DLG5: variants seen among roughly 807,000 people sequenced by gnomAD.
DLG5 encodes disks large homolog 5.
Under a neutral mutation model 189.8 loss-of-function variants are expected in DLG5, and 48 were observed. The observed-to-expected ratio is 0.25, with a 90% CI of 0.20 to 0.32. The LOEUF is 0.32. Among genes scored for constraint, DLG5 ranks in the 10% least tolerant of loss-of-function variants. The pLI is 1.00. For synonymous variants in DLG5, 1,016 were observed against 1,054.1 expected (o/e 0.96, Z 0.70); for missense variants, 2,160 against 2,544.7 (o/e 0.85, Z 3.25).
At chr10:77,811,609 C>T (rs185843469) in intron 22 of DLG5, among the ~76,000 whole-genome samples, 2 of 152,232 alleles carry the variant, frequency 1.3e-5, no homozygotes, top group East Asian at 1.9e-4. Context: ...GACAGGTGTA[C>T]AGCATCTGCT....
intron 1 of DLG5, among the ~76,000 whole-genome samples, chr10:77,901,311 T>C (rs1468179563): frequency 6.6e-6 from 1 of 152,162 alleles, no homozygotes; most frequent in Non-Finnish European, 1.5e-5. Context: ...ATAAATGATG[T>C]TCCTTCTGAC....
intron 9 of DLG5, 74 bp downstream of exon 9, chr10:77,833,840 C>G: frequency 1.3e-6 from 2 of 1,576,652 alleles, no homozygotes; most frequent in Non-Finnish European, 1.7e-6. Context: ...CTCAGCATTG[C>G]CTTGCCCAGA....
chr10:77,839,686 A>T (rs1304848796), intron 7 of DLG5, among the ~76,000 whole-genome samples: 1 of 152,234 alleles, frequency 6.6e-6, no homozygotes, highest in Non-Finnish European at 1.5e-5. Flanking sequence ...CCAAAAAATT[A>T]TGTGCTCAGA....
chr10:77,841,671 C>A (rs1843422152), intron 7 of DLG5, among the ~76,000 whole-genome samples: 1 of 152,206 alleles, frequency 6.6e-6, no homozygotes, highest in Non-Finnish European at 1.5e-5. Context: ...GGTCTCCCTC[C>A]CGCCTTGTCC....
At chr10:77,874,133 T>G (rs1845010687) in intron 1 of DLG5, among the ~76,000 whole-genome samples, 1 of 152,240 alleles carries the variant, frequency 6.6e-6, no homozygotes, top group Admixed American at 6.5e-5. Flanking sequence ...GGAGAAAGAA[T>G]GGCAAGCCAG....
chr10:77,895,795 A>G (rs1453382025), intron 1 of DLG5, among the ~76,000 whole-genome samples: 3 of 152,190 alleles, frequency 2.0e-5, no homozygotes, highest in Non-Finnish European at 4.4e-5. Flanking sequence ...GGATCACTTG[A>G]GGTCAGGAGT....
At position 77,794,890 on chromosome 10, in the gene DLG5, G is replaced by A. The variant is rs1840830694; in HGVS notation, c.5505C>T (p.Pro1835=). 1 of 1,614,070 alleles carries A rather than the reference G, an allele frequency of 6.2e-7. No individual in the cohort carries two copies. Among genetic ancestry groups the A allele is most frequent in the South Asian group, 1.1e-5 (1 of 91,076 alleles). The stretch of plus-strand genomic sequence containing the variant: ...TCTTGTAGTGGATGAAGATGACAAT[G>A]GGGTAGATGTGCATGTGGTGGAGCC... ...IERLHHMHIY[P]IVIFIHYKSA... is the part of the protein sequence containing the mutation. Residue 1835 remains proline (P), a synonymous_variant, in exon 30 of 32, where the codon CCC becomes CCT. Transcript: ENST00000372391.
rs1238159057 is a variant in DLG5 at position 77,833,812 on chromosome 10, G to C, written c.1748+102C>G. The C allele has an allele frequency of 8.0e-6, 12 of 1,503,914 alleles. No homozygotes were observed. The East Asian group carries it at 2.7e-4, about 34-fold the overall frequency. 93.2% of individuals were successfully genotyped at this position (1,503,914 alleles called of 1,614,324 possible). A position where few individuals can be genotyped will look rare whatever the true frequency, so the allele number is the denominator to read the frequency against. On this transcript the variant is annotated intron_variant, in intron 9 of 31. Coordinates refer to ENST00000372391, the MANE Select transcript of DLG5 (RefSeq NM_004747.4). The stretch of plus-strand genomic sequence containing the variant: ...AACAGCCAGCTCGACGCAGAAGGAT[G>C]AGGCCCTGGCCAATGCACTCAGCAT...
intron 1 of DLG5, among the ~76,000 whole-genome samples, chr10:77,906,408 G>T (rs185516462): frequency 2.0e-5 from 3 of 152,286 alleles, no homozygotes; most frequent in East Asian, 3.9e-4. Context: ...CACTTGTACC[G>T]TAAGCATCAC....
At chr10:77,844,756 C>A (rs1286307127) in intron 5 of DLG5, among the ~76,000 whole-genome samples, 1 of 152,190 alleles carries the variant, frequency 6.6e-6, no homozygotes, top group Non-Finnish European at 1.5e-5. Flanking sequence ...CTGGAGAGAG[C>A]CATCTGAGCA....
At chr10:77,793,629 G>A (rs1203164185) in intron 31 of DLG5, 1 of 224,402 alleles carries the variant, frequency 4.5e-6, no homozygotes, top group Non-Finnish European at 8.6e-6. Context: ...GCTAGGGACA[G>A]ATGGGCCCCT....
At chr10:77,890,671 C>A (rs1845580688) in intron 1 of DLG5, among the ~76,000 whole-genome samples, 1 of 152,192 alleles carries the variant, frequency 6.6e-6, no homozygotes, top group Non-Finnish European at 1.5e-5. Context: ...ACAAAATTAG[C>A]TGGGCATAGT....
chr10:77,911,246 G>C (rs1846212353), intron 1 of DLG5, among the ~76,000 whole-genome samples: 1 of 152,038 alleles, frequency 6.6e-6, no homozygotes, highest in South Asian at 2.1e-4. Flanking sequence ...TCCCACCTCA[G>C]TCTCCCAAGC....
chr10:77,819,727 T>C (rs1192177035), intron 16 of DLG5, 168 bp downstream of exon 16: 5 of 1,218,454 alleles, frequency 4.1e-6, no homozygotes, highest in Non-Finnish European at 5.7e-6. Context: ...AGACATGTCA[T>C]GGCTATAAGA....
chr10:77,802,315 T>C (rs1021330607), intron 27 of DLG5, among the ~76,000 whole-genome samples: 3 of 152,118 alleles, frequency 2.0e-5, no homozygotes, highest in Non-Finnish European at 2.9e-5. Flanking sequence ...AAGTAAAACA[T>C]CCACCAATCT....
chr10:77,792,699 A>G, intron 31 of DLG5, 156 bp from the exon 32 acceptor site: 1 of 662,394 alleles, frequency 1.5e-6, no homozygotes, highest in Non-Finnish European at 2.6e-6. Flanking sequence ...TTCACCAGCA[A>G]GAAACTGGGA....
rs747012412 is a variant in DLG5 at position 77,821,122 on chromosome 10, G to A, written c.3362C>T (p.Pro1121Leu). The A allele has an allele frequency of 1.2e-5, 19 of 1,613,800 alleles. No individual in the cohort carries two copies. The highest frequency in any genetic ancestry group is 2.2e-5 in the East Asian group (1 of 44,892). The change falls in exon 15 of 32, where the codon CCG (proline) becomes CTG (leucine). Residue 1121 changes from proline (P) to leucine (L), a missense_variant. Pro to Leu is a moderately conservative substitution (Grantham distance 98). Coordinates refer to ENST00000372391, the MANE Select transcript of DLG5 (RefSeq NM_004747.4). ...AGGAATCACTACTGGAGCAAGCTTC[G>A]GCCGAAAACTGGGAGCAGATTTTGG... is the stretch of plus-strand genomic sequence containing the variant. ...RRPKSAPSFRPKLAPVVIPAQ... is the reference protein window; with the variant it reads ...RRPKSAPSFRLKLAPVVIPAQ...
chr10:77,821,765 G>A lies in DLG5; in HGVS notation c.2719C>T (p.Leu907=). Residue 907 remains leucine (L), a synonymous_variant, in exon 15 of 32, where the codon CTG becomes TTG. Coordinates refer to ENST00000372391, the MANE Select transcript of DLG5 (RefSeq NM_004747.4). ...SDASGDRGFG[L]VDVRGRRPLL... ...GGCCGCCGGCCACGCACGTCCACCA[G>A]CCCAAAGCCACGGTCCCCAGAGGCA... 6.2e-7 allele frequency: 1 copy of A among 1,609,546 alleles called. No homozygotes were observed. Among genetic ancestry groups the A allele is most frequent in the Non-Finnish European group, 8.5e-7 (1 of 1,178,352 alleles).
At chr10:77,868,464 T>G (rs1844775045) in intron 2 of DLG5, 1 of 293,390 alleles carries the variant, frequency 3.4e-6, no homozygotes, top group South Asian at 3.2e-5. Context: ...AGAATGTCAA[T>G]TTCCCCATCT....
Sources: allele counts gnomAD v4.1 joint callset (sites outside exome capture counted in the v4.1 genomes callset), GRCh38; gene constraint gnomAD v4.1.1; transcripts MANE v1.5; gene names NCBI Gene and HGNC (gene_info 2026-07-23, HGNC 2026-07-21).